Variants in FGFR1OP2 observed in about 807,000 individuals in gnomAD.
FGFR1OP2 encodes fibroblast growth factor receptor 1 oncogene partner 2.
A neutral mutation model predicts 35.2 loss-of-function variants in FGFR1OP2; 17 were observed. The ratio of observed to expected loss-of-function variants is 0.48; its 90% confidence interval spans 0.33 to 0.73. The LOEUF (loss-of-function observed/expected upper bound fraction) is 0.73, where lower values mean the gene tolerates loss of function less well. FGFR1OP2 is among the 30% of genes least tolerant of loss of function. The pLI is 0.02. For synonymous variants in FGFR1OP2, 105 were observed against 104.6 expected (o/e 1.00, Z -0.03); for missense variants, 251 against 307.3 (o/e 0.82, Z 1.37).
At chr12:26,946,815 T>C (rs1938831094) in intron 1 of FGFR1OP2, among the ~76,000 whole-genome samples, 1 of 152,210 alleles carries the variant, frequency 6.6e-6, no homozygotes, top group Non-Finnish European at 1.5e-5. Context: ...TCATTAACAG[T>C]CACTTCCCAT....
chr12:26,957,474 T>C (rs534253233), intron 3 of FGFR1OP2, 127 bp from the exon 4 acceptor site: 5 of 762,484 alleles, frequency 6.6e-6, no homozygotes, highest in South Asian at 5.7e-5. Context: ...CTTATTGTTA[T>C]ATGGCTAGAT....
At chr12:26,957,576 T>C in intron 3 of FGFR1OP2, 25 bp from the exon 4 acceptor site, 1 of 1,591,922 alleles carries the variant, frequency 6.3e-7, no homozygotes, top group Non-Finnish European at 8.5e-7. Flanking sequence ...CAAGTTGGAA[T>C]AAAATACAAT....
In FGFR1OP2 at chr12:26,966,155, T is replaced by C. The variant is rs1372051313; in HGVS notation, c.*1422T>C. ...GGGTGAATGGGGTGGATGAGACTGA[T>C]TGAATAGAAAAGGGCTAATGGCCCA... On this transcript the variant is annotated 3_prime_UTR_variant, in exon 7 of 7. Transcript: ENST00000229395. The C allele has an allele frequency of 6.6e-6, 1 of 152,090 alleles. No individual in the cohort carries two copies. Among genetic ancestry groups the C allele is most frequent in the African/African-American group, 2.4e-5 (1 of 41,440 alleles). The allele number at this position is 152,090 out of a possible 1,614,324, so 9.4% of individuals were successfully genotyped here.
At chr12:26,952,312 C>G (rs950924912) in intron 1 of FGFR1OP2, among the ~76,000 whole-genome samples, 3 of 152,026 alleles carry the variant, frequency 2.0e-5, no homozygotes, top group Admixed American at 2.0e-4. Context: ...GCACTAATGC[C>G]TCTCTCAGAA....
At chr12:26,951,859 T>C (rs1007201847) in intron 1 of FGFR1OP2, among the ~76,000 whole-genome samples, 1 of 152,228 alleles carries the variant, frequency 6.6e-6, no homozygotes, top group East Asian at 1.9e-4. Flanking sequence ...GTTCTTCTTA[T>C]AGTAGTCCCA....
intron 2 of FGFR1OP2, among the ~76,000 whole-genome samples, chr12:26,954,920 A>G (rs996724010): frequency 5.3e-5 from 8 of 152,188 alleles, no homozygotes; most frequent in Non-Finnish European, 1.2e-4. Flanking sequence ...AAATTATAAA[A>G]TCTCTGACAT....
chr12:26,965,416 T>C lies in FGFR1OP2; in HGVS notation c.*683T>C, dbSNP rs1380389158. 6.6e-6 allele frequency: 1 copy of C among 152,566 alleles called. No individual in the cohort carries two copies. The highest frequency in any genetic ancestry group is 1.5e-5 in the Non-Finnish European group (1 of 67,964). The allele number at this position is 152,566 out of a possible 1,614,324, so 9.5% of individuals were successfully genotyped here. Reference sequence around the variant, plus strand: ...CTACTTTCTAAGAAAGAAGATCTTATAATAGACATATTTAGTAGGTTAAAC... The same window carrying C: ...CTACTTTCTAAGAAAGAAGATCTTACAATAGACATATTTAGTAGGTTAAAC... On this transcript the variant is annotated 3_prime_UTR_variant, in exon 7 of 7. Coordinates refer to ENST00000229395, the MANE Select transcript of FGFR1OP2 (RefSeq NM_015633.3).
At chr12:26,952,955 A>C (rs1411268645) in intron 1 of FGFR1OP2, among the ~76,000 whole-genome samples, 3 of 152,184 alleles carry the variant, frequency 2.0e-5, no homozygotes, top group Admixed American at 6.5e-5. Context: ...CGTTAGGTAA[A>C]ACTTAGTAGA....
intron 5 of FGFR1OP2, chr12:26,962,193 G>T (rs1181177163): frequency 6.6e-6 from 1 of 152,210 alleles, no homozygotes; most frequent in Admixed American, 6.5e-5. Flanking sequence ...GCACAGATTA[G>T]CCTTTTAGAG....
At position 26,956,536 on chromosome 12, in the gene FGFR1OP2, C is replaced by G; in HGVS notation, c.136-7C>G. ...TTTTCATCCCACATGTTTTTCTCCC[C>G]CATTAGTATCAGGAAGAAATTCAAG... is the stretch of plus-strand genomic sequence containing the variant. On this transcript the variant is annotated splice_region_variant and splice_polypyrimidine_tract_variant and intron_variant, in intron 2 of 6. Coordinates refer to ENST00000229395, the MANE Select transcript of FGFR1OP2 (RefSeq NM_015633.3). 1 of 1,449,570 alleles carries G rather than the reference C, an allele frequency of 6.9e-7. No homozygotes were observed. 89.8% of individuals were successfully genotyped at this position (1,449,570 alleles called of 1,614,324 possible).
At chr12:26,950,322 A>G (rs1442470180) in intron 1 of FGFR1OP2, among the ~76,000 whole-genome samples, 1 of 137,152 alleles carries the variant, frequency 7.3e-6, no homozygotes, top group Non-Finnish European at 1.5e-5. Flanking sequence ...TCCCGGGTTC[A>G]CGCTATTCTC....
At chr12:26,947,210 A>C (rs887940818) in intron 1 of FGFR1OP2, among the ~76,000 whole-genome samples, 1 of 152,166 alleles carries the variant, frequency 6.6e-6, no homozygotes, top group African/African-American at 2.4e-5. Context: ...GACTTTTCCA[A>C]AGTGGCTATA....
intron 3 of FGFR1OP2, among the ~76,000 whole-genome samples, chr12:26,957,233 T>A (rs1939035877): frequency 6.6e-6 from 1 of 152,198 alleles, no homozygotes; most frequent in Non-Finnish European, 1.5e-5. Context: ...TCTACAAAGC[T>A]TCCACCAGTT....
In FGFR1OP2 at chr12:26,954,157, A is replaced by G; in HGVS notation, c.-2A>G. On this transcript the variant is annotated 5_prime_UTR_variant, in exon 2 of 7. Coordinates refer to ENST00000229395, the MANE Select transcript of FGFR1OP2 (RefSeq NM_015633.3). ...ATTTTAATTATAGATATATCTTTAGAAATGAGTTGCACAATTGAGAAGGCA... is the reference window on the plus strand; with the variant it reads ...ATTTTAATTATAGATATATCTTTAGGAATGAGTTGCACAATTGAGAAGGCA... The G allele has an allele frequency of 6.3e-7, 1 of 1,586,182 alleles. No individual in the cohort carries two copies. Among genetic ancestry groups the G allele is most frequent in the Admixed American group, 1.8e-5 (1 of 54,196 alleles).
At chr12:26,955,340 C>G (rs369381326) in intron 2 of FGFR1OP2, among the ~76,000 whole-genome samples, 1 of 152,126 alleles carries the variant, frequency 6.6e-6, no homozygotes, top group African/African-American at 2.4e-5. Context: ...TTAAGATATT[C>G]ACATACCATA....
intron 1 of FGFR1OP2, among the ~76,000 whole-genome samples, chr12:26,948,572 CTT>C (rs1938865827): frequency 2.0e-5 from 3 of 152,244 alleles, no homozygotes; most frequent in South Asian, 4.1e-4. Context: ...AAGATTTTCT[CTT>C]TGTCTTTAGT....
rs2136355686 is a variant in FGFR1OP2 at position 26,954,204 on chromosome 12, G to A, written c.46G>A (p.Val16Ile). The A allele has an allele frequency of 1.9e-6, 3 of 1,611,080 alleles. 1 individual carries two copies. The South Asian group carries it at 3.3e-5, about 18-fold the overall frequency. The part of the protein sequence containing the change: ...EKALADAKAL[V>I]ERLRDHDDAA... ...GGCACTTGCCGACGCTAAAGCTCTT[G>A]TTGAAAGATTAAGAGATCATGACGA... Residue 16 changes from valine (V) to isoleucine (I), a missense_variant, in exon 2 of 7, where the codon GTT (valine) becomes ATT (isoleucine). Transcript: ENST00000229395.
At chr12:26,948,326 TAATAAGTCTACTGGA>T (rs1238126070) in intron 1 of FGFR1OP2, among the ~76,000 whole-genome samples, 1 of 152,236 alleles carries the variant, frequency 6.6e-6, no homozygotes, top group East Asian at 1.9e-4. Context: ...GTATTCTTTA[TAATAAGTCTACTGGA>T]AATAAGTTCT....
At chr12:26,951,548 G>A (rs545705187) in intron 1 of FGFR1OP2, among the ~76,000 whole-genome samples, 2 of 152,232 alleles carry the variant, frequency 1.3e-5, no homozygotes, top group South Asian at 4.1e-4. Context: ...TTGAACTCCT[G>A]AATTCAAGTG....
Sources: allele counts gnomAD v4.1 joint callset (sites outside exome capture counted in the v4.1 genomes callset), GRCh38; gene constraint gnomAD v4.1.1; transcripts MANE v1.5; gene names NCBI Gene and HGNC (gene_info 2026-07-23, HGNC 2026-07-21).